The following SCARB1 variants were observed in gnomAD, a reference collection of about 807,000 sequenced individuals.
SCARB1 encodes the protein CD36 and LIMPII analogous 1.
SCARB1 carries 30 observed loss-of-function variants against 57.2 expected under a neutral mutation model. The ratio of observed to expected loss-of-function variants is 0.52; its 90% confidence interval spans 0.39 to 0.71. The LOEUF is 0.71. SCARB1 is among the 30% of genes least tolerant of loss of function. SCARB1 has a pLI of 0.00. For synonymous variants in SCARB1, 249 were observed against 268.3 expected (o/e 0.93, Z 0.70); for missense variants, 543 against 671.2 (o/e 0.81, Z 2.11).
intron 4 of SCARB1, among the ~76,000 whole-genome samples, chr12:124,813,113 A>C (rs1332163530): frequency 6.6e-6 from 1 of 152,168 alleles, no homozygotes; most frequent in Non-Finnish European, 1.5e-5. Flanking sequence ...GAGCATCAGC[A>C]CACCCAGCTA....
intron 1 of SCARB1, among the ~76,000 whole-genome samples, chr12:124,847,778 C>A (rs919569803): frequency 1.3e-5 from 2 of 152,176 alleles, no homozygotes; most frequent in African/African-American, 4.8e-5. Context: ...ACTGTGACTG[C>A]CAGGCTGGGA....
At chr12:124,802,718 T>TA (rs1469256996) in intron 7 of SCARB1, among the ~76,000 whole-genome samples, 1 of 152,244 alleles carries the variant, frequency 6.6e-6, no homozygotes, top group African/African-American at 2.4e-5. Context: ...CTTTATGGCA[T>TA]ATCTAGCCAG....
chr12:124,828,761 T>A (rs531337863), intron 1 of SCARB1, among the ~76,000 whole-genome samples: 1 of 152,292 alleles, frequency 6.6e-6, no homozygotes. Flanking sequence ...GCTTCACAAA[T>A]GAATCATTAA....
intron 4 of SCARB1, 35 bp from the exon 5 acceptor site, chr12:124,812,000 T>G (rs1950551125): frequency 6.5e-7 from 1 of 1,538,948 alleles, no homozygotes; most frequent in Admixed American, 1.7e-5. Flanking sequence ...TCGTAAGGCT[T>G]AGGCCTGCCA....
intron 1 of SCARB1, among the ~76,000 whole-genome samples, chr12:124,819,587 C>T (rs540207635): frequency 6.6e-6 from 1 of 152,304 alleles, no homozygotes; most frequent in South Asian, 2.1e-4. Context: ...GGACATATCT[C>T]GGGCCCCTCA....
rs1450332781 is a variant in SCARB1, at chr12:124,837,466, A to AG, written c.127-19760dup. On this transcript the variant is annotated intron_variant, in intron 1 of 12. Transcript: ENST00000261693. ...AGAAAAGAAAGAAAGAAGGAAAGAA[A>AG]GAAAGAAAGGAAGGAAGGAAGGAAG... Among the ~76,000 whole-genome samples, 65 of 73,682 alleles carry AG rather than the reference A, an allele frequency of 8.8e-4. 1 individual carries two copies. The highest frequency in any genetic ancestry group is 2.4e-3 in the African/African-American group (58 of 24,076). 48.3% of individuals were successfully genotyped at this position (73,682 alleles called of 152,430 possible).
rs906148755 is a variant in SCARB1 at position 124,778,446 on chromosome 12, G to C, written c.*141C>G. 17 of 1,323,338 alleles carry C rather than the reference G, an allele frequency of 1.3e-5. No homozygotes were observed. The highest frequency in any genetic ancestry group is 1.4e-5 in the Non-Finnish European group (15 of 1,034,554). The allele number at this position is 1,323,338 out of a possible 1,614,324, so 82.0% of individuals were successfully genotyped here. On this transcript the variant is annotated 3_prime_UTR_variant, in exon 13 of 13. Transcript: ENST00000261693. The stretch of plus-strand genomic sequence containing the variant: ...AGGGCGTGTGTGCAGGTGTGCAACA[G>C]GCACATGGCAGCTGGGAGGCTCAGG...
chr12:124,824,371 G>C (rs1000636586), intron 1 of SCARB1, among the ~76,000 whole-genome samples: 4 of 152,186 alleles, frequency 2.6e-5, no homozygotes, highest in Non-Finnish European at 5.9e-5. Flanking sequence ...GTGGTTGCCA[G>C]GGGCTGGGGC....
rs1023506281 is a variant in SCARB1, at chr12:124,821,506, G to A, written c.127-3799C>T. On this transcript the variant is annotated intron_variant, in intron 1 of 12. Coordinates refer to ENST00000261693, the MANE Select transcript of SCARB1 (RefSeq NM_005505.5). ...CTCTCTCTCTCTCTCTCTCCCCAAA[G>A]AAGAGGCTTTCAGGCCCTGGGTTTC... 11 of 985,020 alleles carry A rather than the reference G, an allele frequency of 1.1e-5. No individual in the cohort carries two copies. In the African/African-American group the frequency reaches 1.8e-4, roughly 16 times the overall value. 61.0% of individuals were successfully genotyped at this position (985,020 alleles called of 1,614,324 possible).
Position 124,789,085 on chromosome 12 carries a change from T to C in SCARB1, c.1203-1628A>G, listed in dbSNP as rs1443079662. On this transcript the variant is annotated intron_variant, in intron 9 of 12. Coordinates refer to ENST00000261693, the MANE Select transcript of SCARB1 (RefSeq NM_005505.5). The surrounding 1 kb of genome is among the most constrained non-coding windows in gnomAD (Gnocchi z 4.4). The stretch of plus-strand genomic sequence containing the variant: ...AAACTTACACGTCAAGTTAAAAAGA[T>C]AATAAAATCCAAAGGGAGAATAAAA... Among the ~76,000 whole-genome samples the C allele has an allele frequency of 6.6e-6, 1 of 152,068 alleles. No homozygotes were observed. Among genetic ancestry groups the C allele is most frequent in the East Asian group, 1.9e-4 (1 of 5,196 alleles).
At chr12:124,849,896 T>A (rs1458464666) in intron 1 of SCARB1, among the ~76,000 whole-genome samples, 2 of 64,262 alleles carry the variant, frequency 3.1e-5, no homozygotes, top group South Asian at 8.8e-4. Context: ...GACCCCTGTC[T>A]CTACAAAAAA....
chr12:124,797,308 C>T (rs548969184), intron 8 of SCARB1, among the ~76,000 whole-genome samples: 7 of 152,140 alleles, frequency 4.6e-5, no homozygotes, highest in Non-Finnish European at 7.4e-5. Context: ...CCATAAGCAG[C>T]GTCCTGTTGA....
chr12:124,838,929 C>T (rs1010272605), intron 1 of SCARB1, among the ~76,000 whole-genome samples: 1 of 151,984 alleles, frequency 6.6e-6, no homozygotes, highest in Non-Finnish European at 1.5e-5. Context: ...CGCCTGCCAC[C>T]ATGCCAGGCT....
At chr12:124,780,451 C>T (rs1873227479) in intron 12 of SCARB1, among the ~76,000 whole-genome samples, 1 of 152,236 alleles carries the variant, frequency 6.6e-6, no homozygotes, top group South Asian at 2.1e-4. Flanking sequence ...AGGTGTGGGG[C>T]CTTCCCCAGG....
At chr12:124,842,733 G>A (rs7306507) in intron 1 of SCARB1, among the ~76,000 whole-genome samples, 15,224 of 152,222 alleles carry the variant, frequency 0.1, 862 homozygotes, top group African/African-American at 0.15. Context: ...TGTGCCCCAC[G>A]ACCCCACATG....
intron 7 of SCARB1, among the ~76,000 whole-genome samples, chr12:124,805,613 G>A (rs1044921785): frequency 2.6e-5 from 4 of 152,074 alleles, no homozygotes; most frequent in Non-Finnish European, 5.9e-5. Context: ...AGGCTGGAGT[G>A]CAGTGGGGTG....
intron 11 of SCARB1, 89 bp from the exon 12 acceptor site, chr12:124,782,900 G>A: frequency 7.3e-7 from 1 of 1,376,830 alleles, no homozygotes; most frequent in Non-Finnish European, 1.0e-6. Flanking sequence ...AAGGCAAAGA[G>A]GAAACAGGAA....
intron 5 of SCARB1, among the ~76,000 whole-genome samples, chr12:124,811,565 C>T (rs1266974450): frequency 1.3e-5 from 2 of 152,210 alleles, no homozygotes; most frequent in African/African-American, 4.8e-5. Flanking sequence ...TGAACTACCA[C>T]GCCCGGCCTT....
At chr12:124,841,824 C>T (rs555712225) in intron 1 of SCARB1, among the ~76,000 whole-genome samples, 1 of 152,306 alleles carries the variant, frequency 6.6e-6, no homozygotes, top group African/African-American at 2.4e-5. Flanking sequence ...CTGCCTCGTC[C>T]CCTTCCTAGC....
Sources: gnomAD v4.1 joint callset for allele counts (sites outside exome capture counted in the v4.1 genomes callset) on GRCh38, gnomAD v4.1.1 for gene constraint, Gnocchi (gnomAD v3.1) non-coding constraint, MANE v1.5 for transcripts, NCBI Gene and HGNC (gene_info 2026-07-23, HGNC 2026-07-21) for gene names.